RYR2: variants seen among roughly 807,000 people sequenced by gnomAD.
RYR2 encodes ryanodine receptor 2.
A neutral mutation model predicts 601.1 loss-of-function variants in RYR2; 227 were observed. The observed-to-expected ratio is 0.38, with a 90% CI of 0.34 to 0.42. RYR2 has a LOEUF of 0.42. Among genes scored for constraint, RYR2 ranks in the 10% least tolerant of loss-of-function variants. The probability of loss-of-function intolerance (pLI) is 1.00; values close to 1 mark genes in which losing one functional copy is unlikely to be tolerated. For synonymous variants in RYR2, 2,223 were observed against 2,175.1 expected (o/e 1.02, Z -0.61); for missense variants, 4,646 against 6,156.5 (o/e 0.75, Z 8.21).
intron 12 of RYR2, among the ~76,000 whole-genome samples, chr1:237,429,609 C>T (rs1370928771): frequency 6.6e-6 from 1 of 152,154 alleles, no homozygotes; most frequent in East Asian, 1.9e-4. Flanking sequence ...GTCCATCTTT[C>T]TCATTTGATT....
In RYR2 at chr1:237,595,569, A is replaced by G. The variant is rs1178213886; in HGVS notation, c.4508A>G (p.Asn1503Ser). ...AGCCCCGGGCAAGGACGCAACAATAATGGACTGGAGATTGGCTGTGTGGTG... is the reference window on the plus strand; with the variant it reads ...AGCCCCGGGCAAGGACGCAACAATAGTGGACTGGAGATTGGCTGTGTGGTG... ...SMSPGQGRNN[N>S]GLEIGCVVDA... Residue 1503 changes from asparagine (N) to serine (S), a missense_variant, in exon 34 of 105, where the codon AAT (asparagine) becomes AGT (serine). Asn to Ser is a conservative substitution (Grantham distance 46). Coordinates refer to ENST00000366574, the MANE Select transcript of RYR2 (RefSeq NM_001035.3). The G allele has an allele frequency of 1.2e-6, 2 of 1,613,652 alleles. No homozygotes were observed. The highest frequency in any genetic ancestry group is 1.7e-6 in the Non-Finnish European group (2 of 1,179,724).
At chr1:237,624,995 A>T (rs972115422) in intron 39 of RYR2, among the ~76,000 whole-genome samples, 1 of 151,932 alleles carries the variant, frequency 6.6e-6, no homozygotes, top group African/African-American at 2.4e-5. Flanking sequence ...GTGTATATAT[A>T]TATATTTCTA....
intron 1 of RYR2, among the ~76,000 whole-genome samples, chr1:237,141,905 C>A (rs1673432095): frequency 6.6e-6 from 1 of 152,180 alleles, no homozygotes. Flanking sequence ...CTTAAGTAAC[C>A]TGATGGGGGA....
intron 20 of RYR2, among the ~76,000 whole-genome samples, chr1:237,498,475 CCT>C: frequency 6.6e-6 from 1 of 151,886 alleles, no homozygotes; most frequent in East Asian, 1.9e-4. Context: ...ACTATTACCC[CCT>C]CTCTCCCTAG....
intron 76 of RYR2, among the ~76,000 whole-genome samples, chr1:237,728,785 G>T (rs12140998): frequency 0.062 from 9,354 of 151,700 alleles, 334 homozygotes; most frequent in Non-Finnish European, 0.086. Flanking sequence ...GGCCTGTCGG[G>T]GGGTGGGGGC....
chr1:237,625,783 G>A lies in RYR2; in HGVS notation c.6145G>A (p.Glu2049Lys). Reference protein sequence around the residue: ...LKKKQAEKPVESDSKKSSTLQ... With the variant: ...LKKKQAEKPVKSDSKKSSTLQ... ...GAAGAAGCAAGCAGAAAAACCAGTTGAGAGTGACTCCAAAAAGTCCTGTAA... is the reference window on the plus strand; with the variant it reads ...GAAGAAGCAAGCAGAAAAACCAGTTAAGAGTGACTCCAAAAAGTCCTGTAA... The change falls in exon 40 of 105, where the codon GAG becomes AAG. Residue 2049 changes from glutamate (E) to lysine (K), a missense_variant. Around this residue, in one of 17 missense-constraint regions of RYR2, gnomAD observed 170 missense variants for 184.5 expected, o/e 0.92. Transcript: ENST00000366574. The A allele has an allele frequency of 6.2e-7, 1 of 1,613,524 alleles. No individual in the cohort carries two copies. The highest frequency in any genetic ancestry group is 8.5e-7 in the Non-Finnish European group (1 of 1,179,706).
At chr1:237,116,618 G>A (rs1670111977) in intron 1 of RYR2, among the ~76,000 whole-genome samples, 1 of 152,046 alleles carries the variant, frequency 6.6e-6, no homozygotes, top group Non-Finnish European at 1.5e-5. Flanking sequence ...GGGCTCACAT[G>A]ATTATGGAGG....
intron 49 of RYR2, among the ~76,000 whole-genome samples, chr1:237,648,911 G>T (rs1018349649): frequency 4.6e-5 from 7 of 152,148 alleles, no homozygotes; most frequent in Non-Finnish European, 7.3e-5. Flanking sequence ...AATTTGGGAG[G>T]TCACAGTGAC....
chr1:237,398,094 G>A (rs536288458), intron 10 of RYR2, among the ~76,000 whole-genome samples: 13 of 151,978 alleles, frequency 8.6e-5, no homozygotes, highest in African/African-American at 1.5e-4. Flanking sequence ...CATGAATGCC[G>A]GCCAGTCATT....
intron 1 of RYR2, among the ~76,000 whole-genome samples, chr1:237,143,067 A>G (rs1204130086): frequency 6.6e-6 from 1 of 152,196 alleles, no homozygotes; most frequent in Non-Finnish European, 1.5e-5. Flanking sequence ...GTTTGTCTTC[A>G]GTGAGTAACC....
intron 1 of RYR2, among the ~76,000 whole-genome samples, chr1:237,170,219 G>A (rs921529784): frequency 1.3e-5 from 2 of 152,190 alleles, no homozygotes; most frequent in African/African-American, 4.8e-5. Context: ...CTTTTCTATG[G>A]ATGTGCCATT....
intron 8 of RYR2, among the ~76,000 whole-genome samples, chr1:237,381,326 G>C (rs1015907568): frequency 6.6e-6 from 1 of 151,152 alleles, no homozygotes; most frequent in Non-Finnish European, 1.5e-5. Context: ...AGATAGTTGG[G>C]AAAGAAACAG....
At chr1:237,684,369 T>C (rs1462964654) in intron 62 of RYR2, among the ~76,000 whole-genome samples, 2 of 152,082 alleles carry the variant, frequency 1.3e-5, no homozygotes, top group Non-Finnish European at 2.9e-5. Flanking sequence ...CACGTACATA[T>C]AGAGCTAACT....
At chr1:237,551,903 G>A (rs1670444749) in intron 27 of RYR2, among the ~76,000 whole-genome samples, 1 of 152,130 alleles carries the variant, frequency 6.6e-6, no homozygotes, top group African/African-American at 2.4e-5. Flanking sequence ...CTGAGATTCA[G>A]GGACTTCTGT....
At chr1:237,680,987 T>C (rs1335628533) in intron 62 of RYR2, among the ~76,000 whole-genome samples, 1 of 152,194 alleles carries the variant, frequency 6.6e-6, no homozygotes, top group Non-Finnish European at 1.5e-5. Context: ...AATTTAAAAA[T>C]AATGACCAAT....
At chr1:237,781,080 GCT>G (rs1695069829) in intron 88 of RYR2, among the ~76,000 whole-genome samples, 1 of 151,186 alleles carries the variant, frequency 6.6e-6, no homozygotes, top group East Asian at 2.0e-4. Context: ...ACCCAGTCTT[GCT>G]CTGTCACCCG....
At position 237,372,850 on chromosome 1, in the gene RYR2, T is replaced by C. The variant is rs146038216; in HGVS notation, c.385-1867T>C. On this transcript the variant is annotated intron_variant, in intron 6 of 104. Coordinates refer to ENST00000366574, the MANE Select transcript of RYR2 (RefSeq NM_001035.3). ...TTATACATTCATTAAATAAATATTA[T>C]TTGGCATCTACTATGTGCTAGGTAC... is the stretch of plus-strand genomic sequence containing the variant. Among the ~76,000 whole-genome samples, 202 of 152,336 alleles carry C rather than the reference T, an allele frequency of 1.3e-3. 1 individual carries two copies. The East Asian group carries it at 0.034, about 26-fold the overall frequency.
At chr1:237,795,783 C>T (rs1002742833) in intron 96 of RYR2, among the ~76,000 whole-genome samples, 10 of 148,982 alleles carry the variant, frequency 6.7e-5, no homozygotes, top group South Asian at 2.1e-4. Context: ...ACATAATGGC[C>T]GGGCGCGGTG....
chr1:237,537,327 GT>G lies in RYR2; in HGVS notation c.2906+6821del, dbSNP rs796957659. Among the ~76,000 whole-genome samples, 151 of 151,940 alleles carry G rather than the reference GT, an allele frequency of 9.9e-4. 2 individuals carry two copies. The highest frequency in any genetic ancestry group is 3.5e-3 in the African/African-American group (146 of 41,476). On this transcript the variant is annotated intron_variant, in intron 25 of 104. Coordinates refer to ENST00000366574, the MANE Select transcript of RYR2 (RefSeq NM_001035.3). ...TCCCTATACAGTTGTTTTTTTGTTT[GT>G]TTTGTTTTGTTTTTAGATGGAGTCT...
Sources: allele counts gnomAD v4.1 joint callset (sites outside exome capture counted in the v4.1 genomes callset), GRCh38; gene constraint gnomAD v4.1.1; regional missense constraint gnomAD v4.1.1; transcripts MANE v1.5; gene names NCBI Gene and HGNC (gene_info 2026-07-23, HGNC 2026-07-21).